SLC25A43: variants seen among roughly 807,000 people sequenced by gnomAD.
SLC25A43 encodes the protein solute carrier family 25 member 43, also known as solute carrier family 25, member 43.
Under a neutral mutation model 22.8 loss-of-function variants are expected in SLC25A43, and 10 were observed. The ratio of observed to expected loss-of-function variants is 0.44; its 90% CI spans 0.27 to 0.74. The LOEUF (loss-of-function observed/expected upper bound fraction) is 0.74, where lower values mean the gene tolerates loss of function less well. SLC25A43 is among the 30% of genes least tolerant of loss of function. The probability of loss-of-function intolerance (pLI) is 0.17; values close to 1 mark genes in which losing one functional copy is unlikely to be tolerated. For missense variants in SLC25A43, 233 were observed against 279.1 expected (o/e 0.83, Z 1.18); for synonymous variants, 106 against 121.6 (o/e 0.87, Z 0.84).
chrX:119,442,958 A>G (rs5909623), intron 3 of SLC25A43, among the ~76,000 whole-genome samples: 25,110 of 110,803 alleles, frequency 0.23, 2,329 homozygotes, highest in African/African-American at 0.34. Flanking sequence ...TAGAGATACG[A>G]AAATTAAAAA....
In SLC25A43 at chrX:119,399,363, G is replaced by C. The variant is rs1241261687; in HGVS notation, c.-41G>C. 36 of 941,047 alleles carry C rather than the reference G, an allele frequency of 3.8e-5. No homozygotes were observed. Among genetic ancestry groups the C allele is most frequent in the Non-Finnish European group, 4.8e-5 (36 of 750,969 alleles). The allele number at this position is 941,047 out of a possible 1,213,427, so 77.6% of individuals were successfully genotyped here. On this transcript the variant is annotated 5_prime_UTR_variant, in exon 1 of 5. Transcript: ENST00000217909. ...CTCCGCCCGTGGCCGGAGAGCCCCA[G>C]GCCCGAGCCACGCGGTCTTCCGGGC...
At position 119,399,450 on chromosome X, in the gene SLC25A43, T is replaced by A; in HGVS notation, c.47T>A (p.Leu16Gln). 9.6e-7 allele frequency: 1 copy of A among 1,037,698 alleles called. No individual in the cohort carries two copies. The highest frequency in any genetic ancestry group is 1.2e-6 in the Non-Finnish European group (1 of 812,276). The allele number at this position is 1,037,698 out of a possible 1,213,427, so 85.5% of individuals were successfully genotyped here. The stretch of plus-strand genomic sequence containing the variant: ...GGCCGACTGACAGGCGGCCAAAGGC[T>A]GCTGTGCGCTGGGCTGGCGGGGACG... ...RDGRLTGGQRLLCAGLAGTLS... is the reference protein window; with the variant it reads ...RDGRLTGGQRQLCAGLAGTLS... The change falls in exon 1 of 5, where the codon CTG (leucine) becomes CAG (glutamine). Residue 16 changes from leucine to glutamine, a missense_variant. Coordinates refer to ENST00000217909, the MANE Select transcript of SLC25A43 (RefSeq NM_145305.3).
At chrX:119,426,120 G>A in intron 3 of SLC25A43, 1 of 523,526 alleles carries the variant, frequency 1.9e-6, no homozygotes, top group Non-Finnish European at 2.3e-6. Flanking sequence ...CAAGAGGGAG[G>A]ACCCGCAGCT....
At chrX:119,445,786 C>T (rs1055210914) in intron 3 of SLC25A43, among the ~76,000 whole-genome samples, 1 of 110,703 alleles carries the variant, frequency 9.0e-6, no homozygotes. Flanking sequence ...TAGGGATCTG[C>T]GTTATCAGAG....
At chrX:119,418,019 T>C (rs7052283) in intron 3 of SLC25A43, among the ~76,000 whole-genome samples, 6,446 of 110,679 alleles carry the variant, frequency 0.058, 188 homozygotes, top group South Asian at 0.11. Flanking sequence ...GGCATTGGGC[T>C]TCTCTGGCCA....
At chrX:119,443,443 TCTCTC>T (rs1177241258) in intron 3 of SLC25A43, among the ~76,000 whole-genome samples, 1 of 57,318 alleles carries the variant, frequency 1.7e-5, no homozygotes, top group East Asian at 5.7e-4. Context: ...TCTCTCTCTC[TCTCTC>T]TTTTTTTTTT....
At position 119,399,347 on chromosome X, in the gene SLC25A43, T is replaced by TGGCCGGAGAGCCCCA. The variant is rs2052213608; in HGVS notation, c.-52_-38dup. 1.2e-6 allele frequency: 1 copy of TGGCCGGAGAGCCCCA among 868,361 alleles called. No homozygotes were observed. Among genetic ancestry groups the TGGCCGGAGAGCCCCA allele is most frequent in the South Asian group, 5.9e-5 (1 of 16,825 alleles). 71.6% of individuals were successfully genotyped at this position (868,361 alleles called of 1,213,427 possible). A position where few individuals can be genotyped will look rare whatever the true frequency, so the allele number is the denominator to read the frequency against. ...GCCTGGGGCCCGCCACCTCCGCCCG[T>TGGCCGGAGAGCCCCA]GGCCGGAGAGCCCCAGGCCCGAGCC... On this transcript the variant is annotated 5_prime_UTR_variant, in exon 1 of 5. Coordinates refer to ENST00000217909, the MANE Select transcript of SLC25A43 (RefSeq NM_145305.3).
intron 3 of SLC25A43, among the ~76,000 whole-genome samples, chrX:119,419,105 TG>T (rs2052431803): frequency 8.9e-6 from 1 of 111,906 alleles, no homozygotes; most frequent in East Asian, 2.8e-4. Flanking sequence ...GGAGATAGGC[TG>T]GGGAATACTG....
intron 3 of SLC25A43, among the ~76,000 whole-genome samples, chrX:119,435,512 ACAT>A (rs1014152477): frequency 9.5e-5 from 6 of 63,371 alleles, no homozygotes; most frequent in Non-Finnish European, 1.7e-4. Context: ...GTACATGTGC[ACAT>A]TGTGCAGGTT....
intron 4 of SLC25A43, 109 bp downstream of exon 4, chrX:119,452,252 A>G: frequency 2.2e-6 from 2 of 903,157 alleles, no homozygotes; most frequent in East Asian, 6.6e-5. Context: ...CCCCTCTAGC[A>G]CTAATGGGTA....
chrX:119,434,039 G>A (rs1025879974), intron 3 of SLC25A43, among the ~76,000 whole-genome samples: 2 of 111,751 alleles, frequency 1.8e-5, no homozygotes, highest in Non-Finnish European at 3.8e-5. Flanking sequence ...TTGTAGTAGT[G>A]TGGGCAAAAG....
chrX:119,448,619 A>T (rs765561642), intron 3 of SLC25A43, among the ~76,000 whole-genome samples: 1 of 111,290 alleles, frequency 9.0e-6, no homozygotes, highest in East Asian at 2.8e-4. Flanking sequence ...CTTCCTTCAG[A>T]TCTCCAAAAA....
intron 2 of SLC25A43, among the ~76,000 whole-genome samples, chrX:119,409,485 C>T (rs1008969126): frequency 8.6e-5 from 9 of 104,218 alleles, no homozygotes; most frequent in Non-Finnish European, 1.4e-4. Context: ...GGATTACAGG[C>T]GTGAGTTACT....
At chrX:119,428,024 T>C (rs2052522490) in intron 3 of SLC25A43, among the ~76,000 whole-genome samples, 1 of 112,444 alleles carries the variant, frequency 8.9e-6, no homozygotes. Context: ...GTCAGTACTG[T>C]TGTTAGCAGT....
intron 1 of SLC25A43, among the ~76,000 whole-genome samples, chrX:119,404,714 T>G (rs1218087105): frequency 9.0e-6 from 1 of 111,699 alleles, no homozygotes; most frequent in African/African-American, 3.3e-5. Context: ...AGCGTTCCTT[T>G]CTCTAGGGCA....
intron 1 of SLC25A43, among the ~76,000 whole-genome samples, chrX:119,401,654 G>T (rs946199399): frequency 9.1e-6 from 1 of 109,725 alleles, no homozygotes; most frequent in Non-Finnish European, 1.9e-5. Context: ...AGGTTGGAAT[G>T]AGATATTAGA....
At chrX:119,432,848 C>T (rs954523708) in intron 3 of SLC25A43, among the ~76,000 whole-genome samples, 1 of 105,658 alleles carries the variant, frequency 9.5e-6, no homozygotes, top group African/African-American at 3.5e-5. Flanking sequence ...CAGTGGCTCA[C>T]GCCTGTAATC....
In SLC25A43 at chrX:119,399,592, G is replaced by A; in HGVS notation, c.189G>A (p.Glu63=). Reference sequence around the variant, plus strand: ...CAGGGCACCGGGTGTGGCGGGCAGAGGGGCTCCGGGCCCTGTGGAAGGGGA... The same window carrying A: ...CAGGGCACCGGGTGTGGCGGGCAGAAGGGCTCCGGGCCCTGTGGAAGGGGA... ...WATGHRVWRA[E]GLRALWKGNA... is the part of the protein sequence containing the mutation. The change falls in exon 1 of 5, where the codon GAG becomes GAA. Residue 63 remains glutamate, a synonymous_variant. Coordinates refer to ENST00000217909, the MANE Select transcript of SLC25A43 (RefSeq NM_145305.3). 9.6e-7 allele frequency: 1 copy of A among 1,042,179 alleles called. No individual in the cohort carries two copies. The highest frequency in any genetic ancestry group is 1.2e-6 in the Non-Finnish European group (1 of 815,903). The allele number at this position is 1,042,179 out of a possible 1,213,427, so 85.9% of individuals were successfully genotyped here.
At chrX:119,429,392 T>G (rs1319918428) in intron 3 of SLC25A43, among the ~76,000 whole-genome samples, 1 of 112,141 alleles carries the variant, frequency 8.9e-6, no homozygotes, top group Non-Finnish European at 1.9e-5. Flanking sequence ...ATTTCAGTAC[T>G]CATGGAAAGA....
Sources: gnomAD v4.1 joint callset for allele counts (sites outside exome capture counted in the v4.1 genomes callset) on GRCh38, gnomAD v4.1.1 for gene constraint, MANE v1.5 for transcripts, NCBI Gene and HGNC (gene_info 2026-07-23, HGNC 2026-07-21) for gene names.